Variants in RCAN2 observed in about 807,000 individuals in gnomAD.
The protein encoded by RCAN2 is calcipressin-2.
Under a neutral mutation model 23.6 loss-of-function variants are expected in RCAN2, and 9 were observed. The observed-to-expected ratio is 0.38, with a 90% CI of 0.23 to 0.67. The LOEUF (loss-of-function observed/expected upper bound fraction) is 0.67, where lower values mean the gene tolerates loss of function less well. Among genes scored for constraint, RCAN2 ranks in the 30% least tolerant of loss-of-function variants. The pLI is 0.51. For missense variants in RCAN2, 273 were observed against 302.3 expected (o/e 0.90, Z 0.72); for synonymous variants, 109 against 115.7 (o/e 0.94, Z 0.37).
At chr6:46,351,210 A>T (rs911512873) in intron 2 of RCAN2, among the ~76,000 whole-genome samples, 1 of 152,220 alleles carries the variant, frequency 6.6e-6, no homozygotes, top group Admixed American at 6.5e-5. Context: ...CCCAAAGTTC[A>T]TGTTCTTACA....
rs891774190 is a variant in RCAN2, at chr6:46,242,236, A to C, written c.571+4512T>G. Among the ~76,000 whole-genome samples the C allele has an allele frequency of 6.6e-5, 10 of 152,300 alleles. No individual in the cohort carries two copies. In the East Asian group the frequency reaches 1.7e-3, roughly 26 times the overall value. On this transcript the variant is annotated intron_variant, in intron 4 of 4. Transcript: ENST00000371374. ...TAGGACCACTCTAGAAGTTTTCAGG[A>C]ATTGGACTTGTCCCTCTCTGAGAGG...
intron 2 of RCAN2, among the ~76,000 whole-genome samples, chr6:46,446,475 G>A (rs892479364): frequency 3.3e-5 from 5 of 152,098 alleles, no homozygotes; most frequent in African/African-American, 1.2e-4. Flanking sequence ...AAATGAAAAG[G>A]AGGATGCTAA....
At chr6:46,375,405 A>G (rs1167077776) in intron 2 of RCAN2, among the ~76,000 whole-genome samples, 1 of 152,168 alleles carries the variant, frequency 6.6e-6, no homozygotes, top group Non-Finnish European at 1.5e-5. Flanking sequence ...TTCTCCTCCC[A>G]GACACAGATA....
intron 1 of RCAN2, among the ~76,000 whole-genome samples, chr6:46,475,758 T>A (rs555885741): frequency 1.3e-5 from 2 of 152,246 alleles, no homozygotes; most frequent in East Asian, 3.9e-4. Context: ...ATACTGGAAG[T>A]CAGGAGTTAT....
chr6:46,303,651 C>T (rs1290440495), intron 2 of RCAN2, among the ~76,000 whole-genome samples: 1 of 152,060 alleles, frequency 6.6e-6, no homozygotes, highest in African/African-American at 2.4e-5. Flanking sequence ...CAGTCAATAA[C>T]CACCTCCTCC....
At chr6:46,281,405 A>T (rs563379523) in intron 2 of RCAN2, among the ~76,000 whole-genome samples, 1 of 152,358 alleles carries the variant, frequency 6.6e-6, no homozygotes, top group East Asian at 1.9e-4. Context: ...GTTTTAAACA[A>T]GTTTCCCAAG....
At chr6:46,388,491 A>G (rs1198539596) in intron 2 of RCAN2, among the ~76,000 whole-genome samples, 1 of 152,194 alleles carries the variant, frequency 6.6e-6, no homozygotes, top group Non-Finnish European at 1.5e-5. Flanking sequence ...ATAAAGATAC[A>G]TGCACATGTA....
intron 2 of RCAN2, among the ~76,000 whole-genome samples, chr6:46,403,201 G>C (rs543956527): frequency 6.6e-6 from 1 of 152,128 alleles, no homozygotes; most frequent in African/African-American, 2.4e-5. Context: ...TCCTGACCTT[G>C]TGATCCGCCC....
At chr6:46,224,644 G>T (rs1196212353) in intron 4 of RCAN2, among the ~76,000 whole-genome samples, 4 of 152,276 alleles carry the variant, frequency 2.6e-5, no homozygotes, top group Admixed American at 6.5e-5. Flanking sequence ...TGCAGCCCAG[G>T]AATCTGCTAT....
At chr6:46,293,204 T>G (rs1012548123) in intron 2 of RCAN2, among the ~76,000 whole-genome samples, 2 of 152,240 alleles carry the variant, frequency 1.3e-5, no homozygotes, top group Non-Finnish European at 2.9e-5. Context: ...TGTGTCTTTA[T>G]AGTAGAATGA....
rs145105678 is a variant in RCAN2 at position 46,346,555 on chromosome 6, T to C, written c.226-97659A>G. ...GGAAATAACTAAATTATGAGAAATC[T>C]ATGGGATGAGATATTATGCAACCAT... On this transcript the variant is annotated intron_variant, in intron 2 of 4. Transcript: ENST00000371374. Among the ~76,000 whole-genome samples the C allele has an allele frequency of 3.9e-5, 6 of 152,254 alleles. No individual in the cohort carries two copies. In the East Asian group the frequency reaches 1.2e-3, roughly 29 times the overall value.
chr6:46,456,980 T>A lies in RCAN2; in HGVS notation c.-2-2A>T. The stretch of plus-strand genomic sequence containing the variant: ...TGAAGTATGATTCTCCCCTCATTCC[T>A]GGGGATACAAAGATGAGCATGTGTT... On this transcript the variant is annotated splice_acceptor_variant, in intron 1 of 4. Coordinates refer to ENST00000371374, the MANE Select transcript of RCAN2 (RefSeq NM_001251974.2). LOFTEE classifies it low-confidence loss of function (5UTR_SPLICE). The A allele has an allele frequency of 6.5e-7, 1 of 1,540,974 alleles. No homozygotes were observed. The highest frequency in any genetic ancestry group is 8.8e-7 in the Non-Finnish European group (1 of 1,138,306).
At chr6:46,461,039 GT>G (rs550300955) in intron 1 of RCAN2, among the ~76,000 whole-genome samples, 241 of 152,240 alleles carry the variant, frequency 1.6e-3, no homozygotes, top group African/African-American at 5.3e-3. Context: ...TAACATTAAT[GT>G]TTTTTAATGA....
chr6:46,421,920 G>T (rs1766899046), intron 2 of RCAN2, among the ~76,000 whole-genome samples: 2 of 152,128 alleles, frequency 1.3e-5, no homozygotes, highest in African/African-American at 4.8e-5. Flanking sequence ...CTGCTTAAAG[G>T]AGATAGAAAA....
chr6:46,268,134 C>A (rs1304995777), intron 2 of RCAN2, among the ~76,000 whole-genome samples: 1 of 152,178 alleles, frequency 6.6e-6, no homozygotes. Flanking sequence ...TTTGGATTTG[C>A]TGTTTCAGAA....
At chr6:46,236,117 A>G (rs955838167) in intron 4 of RCAN2, among the ~76,000 whole-genome samples, 3 of 152,238 alleles carry the variant, frequency 2.0e-5, no homozygotes, top group African/African-American at 7.2e-5. Context: ...GGTTTCCAGT[A>G]TGATTAACTA....
At chr6:46,452,459 C>G (rs7749782) in intron 2 of RCAN2, among the ~76,000 whole-genome samples, 4 of 152,312 alleles carry the variant, frequency 2.6e-5, no homozygotes, top group African/African-American at 9.6e-5. Flanking sequence ...TGTCCTTACT[C>G]CAGGACCCAA....
At chr6:46,353,292 T>C (rs1764718828) in intron 2 of RCAN2, among the ~76,000 whole-genome samples, 1 of 152,054 alleles carries the variant, frequency 6.6e-6, no homozygotes, top group African/African-American at 2.4e-5. Flanking sequence ...CAATTGCAAA[T>C]GGGTACTTTC....
chr6:46,232,321 C>T (rs962177983), intron 4 of RCAN2, among the ~76,000 whole-genome samples: 1 of 152,190 alleles, frequency 6.6e-6, no homozygotes, highest in African/African-American at 2.4e-5. Context: ...GCATTTTAAT[C>T]CATGTCCCCG....
Sources: allele counts gnomAD v4.1 joint callset (sites outside exome capture counted in the v4.1 genomes callset), GRCh38; gene constraint gnomAD v4.1.1; transcripts MANE v1.5; gene names NCBI Gene and HGNC (gene_info 2026-07-23, HGNC 2026-07-21).